ADAMTSL1: variants seen among roughly 807,000 people sequenced by gnomAD.
ADAMTSL1 encodes the protein ADAMTS-like protein 1.
ADAMTSL1 carries 126 observed loss-of-function variants against 201.8 expected under a neutral mutation model. The ratio of observed to expected loss-of-function variants is 0.62; its 90% confidence interval spans 0.54 to 0.72. The LOEUF (loss-of-function observed/expected upper bound fraction) is 0.72. Ranked by LOEUF, ADAMTSL1 falls within the 30% of genes least tolerant of loss-of-function variation. The probability of loss-of-function intolerance (pLI) is 0.00; values close to 1 mark genes in which losing one functional copy is unlikely to be tolerated. For synonymous variants in ADAMTSL1, 1,121 were observed against 903.4 expected, an observed-to-expected ratio of 1.24 and a Z score of -4.32; for missense variants, 2,679 against 2,277.8, an observed-to-expected ratio of 1.18 and a Z score of -3.59.
intron 22 of ADAMTSL1, among the ~76,000 whole-genome samples, chr9:18,827,314 T>A (rs1266966380): frequency 6.6e-6 from 1 of 152,014 alleles, no homozygotes; most frequent in Non-Finnish European, 1.5e-5. Flanking sequence ...ATGCCACACA[T>A]ACATACATAA....
In ADAMTSL1 at chr9:18,334,802, T is replaced by C. The variant is rs549129019; in HGVS notation, c.208-170027T>C. On this transcript the variant is annotated intron_variant, in intron 2 of 29. Coordinates refer to the ADAMTSL1 transcript ENST00000680146. ...TTATTTAAAGCTACCACTTCCATTA[T>C]AAGAAAAAAGGAAGGATTCTAATTC... Among the ~76,000 whole-genome samples, 582 of 152,204 alleles carry C rather than the reference T, an allele frequency of 3.8e-3. 4 individuals are homozygous for C. The highest frequency in any genetic ancestry group is 0.013 in the African/African-American group (536 of 41,544).
chr9:18,735,634 G>A (rs1163700996), intron 15 of ADAMTSL1, among the ~76,000 whole-genome samples: 2 of 152,018 alleles, frequency 1.3e-5, no homozygotes, highest in Non-Finnish European at 2.9e-5. Context: ...AACCCCACAT[G>A]TCAAACATGG....
At chr9:17,974,648 G>T (rs1395314475) in intron 1 of ADAMTSL1, among the ~76,000 whole-genome samples, 1 of 151,900 alleles carries the variant, frequency 6.6e-6, no homozygotes, top group Non-Finnish European at 1.5e-5. Flanking sequence ...ATTTCACTTA[G>T]CATAGTGTCC....
At chr9:18,224,370 CA>C (rs952629880) in intron 2 of ADAMTSL1, among the ~76,000 whole-genome samples, 3 of 152,054 alleles carry the variant, frequency 2.0e-5, no homozygotes, top group African/African-American at 7.2e-5. Flanking sequence ...AAAATGGGGA[CA>C]AAAACTCCCT....
At position 18,037,927 on chromosome 9, in the gene ADAMTSL1, C is replaced by G. The variant is rs544972010; in HGVS notation, c.88-125935C>G. On this transcript the variant is annotated intron_variant, in intron 1 of 29. Coordinates refer to the ADAMTSL1 transcript ENST00000680146. The stretch of plus-strand genomic sequence containing the variant: ...CCCAGCAGGCTTCAAAATCCTGACT[C>G]TACTTTTGGATTTGTCTGGTCTGGT... Among the ~76,000 whole-genome samples, 243 of 137,714 alleles carry G rather than the reference C, an allele frequency of 1.8e-3. 8 individuals are homozygous for G. In the South Asian group the frequency reaches 0.055, roughly 31 times the overall value. 90.3% of individuals were successfully genotyped at this position (137,714 alleles called of 152,430 possible).
At chr9:18,863,722 C>T (rs1257757492) in intron 23 of ADAMTSL1, among the ~76,000 whole-genome samples, 1 of 152,138 alleles carries the variant, frequency 6.6e-6, no homozygotes. Context: ...AAGAGAATGC[C>T]AAACCAGAAA....
intron 14 of ADAMTSL1, among the ~76,000 whole-genome samples, chr9:18,709,163 G>A (rs2891130): frequency 0.011 from 1,618 of 152,232 alleles, 17 homozygotes; most frequent in Non-Finnish European, 0.015. Context: ...AGCCTAAAAA[G>A]TTAGAGTCGA....
intron 1 of ADAMTSL1, among the ~76,000 whole-genome samples, chr9:17,963,549 A>G (rs997295156): frequency 3.3e-5 from 5 of 152,200 alleles, no homozygotes; most frequent in African/African-American, 1.2e-4. Flanking sequence ...AGAGAAATCA[A>G]TGAGTTTTTG....
intron 2 of ADAMTSL1, among the ~76,000 whole-genome samples, chr9:18,297,807 T>A (rs1049378273): frequency 6.6e-6 from 1 of 152,240 alleles, no homozygotes; most frequent in African/African-American, 2.4e-5. Context: ...TCTCTTGGGC[T>A]CTATTTGCTC....
At chr9:18,008,741 C>T (rs192632430) in intron 1 of ADAMTSL1, among the ~76,000 whole-genome samples, 15 of 152,046 alleles carry the variant, frequency 9.9e-5, no homozygotes, top group African/African-American at 3.6e-4. Flanking sequence ...GCTTAGAACT[C>T]ATGGCCATCT....
intron 2 of ADAMTSL1, among the ~76,000 whole-genome samples, chr9:18,376,928 G>A (rs904514337): frequency 7.9e-6 from 1 of 127,224 alleles, no homozygotes; most frequent in South Asian, 2.3e-4. Flanking sequence ...AATAAAATAC[G>A]TTTTTATTTA....
At chr9:18,554,155 A>G (rs771746971) in intron 3 of ADAMTSL1, among the ~76,000 whole-genome samples, 1 of 151,156 alleles carries the variant, frequency 6.6e-6, no homozygotes, top group African/African-American at 2.4e-5. Flanking sequence ...CTGCATGTAT[A>G]TGAGTTCTGT....
chr9:18,242,044 C>A (rs1032532069), intron 2 of ADAMTSL1, among the ~76,000 whole-genome samples: 4 of 152,032 alleles, frequency 2.6e-5, no homozygotes, highest in African/African-American at 9.7e-5. Context: ...CTAAGCCAGA[C>A]AAAGACATCA....
chr9:18,838,137 T>C (rs1405762133), intron 23 of ADAMTSL1, among the ~76,000 whole-genome samples: 1 of 152,054 alleles, frequency 6.6e-6, no homozygotes. Context: ...GCAAGTCACG[T>C]CTTACATGGA....
At chr9:18,129,170 C>T (rs1825852192) in intron 1 of ADAMTSL1, among the ~76,000 whole-genome samples, 2 of 152,178 alleles carry the variant, frequency 1.3e-5, no homozygotes, top group Admixed American at 1.3e-4. Context: ...AAAAGGCCTA[C>T]CTGCTAAATA....
At chr9:18,166,614 T>G (rs1391636122) in intron 2 of ADAMTSL1, among the ~76,000 whole-genome samples, 1 of 152,032 alleles carries the variant, frequency 6.6e-6, no homozygotes, top group Non-Finnish European at 1.5e-5. Context: ...AAGTAACAAA[T>G]GTATCCCCAG....
rs1438562659 is a variant in ADAMTSL1, at chr9:18,673,675, C to G, written c.1086-2182C>G. On this transcript the variant is annotated intron_variant, in intron 9 of 28. Coordinates refer to ENST00000380548, the MANE Select transcript of ADAMTSL1 (RefSeq NM_001040272.6). ...AGCTGATAAATCAATTGACAGAGAT[C>G]TGCAACAGTTTATTCTAATATTGAA... 2.0e-5 allele frequency among the ~76,000 whole-genome samples: 3 copies of G among 152,154 alleles called. No homozygotes were observed. In the East Asian group the frequency reaches 5.8e-4, roughly 29 times the overall value.
chr9:18,469,480 G>C (rs1304269522), upstream of ADAMTSL1, among the ~76,000 whole-genome samples: 2 of 152,226 alleles, frequency 1.3e-5, no homozygotes, highest in African/African-American at 2.4e-5. Context: ...TAACATTTGA[G>C]TTACCAAAGA....
intron 1 of ADAMTSL1, among the ~76,000 whole-genome samples, chr9:17,909,082 C>A (rs1328299639): frequency 1.3e-5 from 2 of 148,860 alleles, no homozygotes; most frequent in Non-Finnish European, 3.0e-5. Context: ...TGATGGTGAG[C>A]ATTTTTTCAT....
Sources: gnomAD v4.1 joint callset for allele counts (sites outside exome capture counted in the v4.1 genomes callset) on GRCh38, gnomAD v4.1.1 for gene constraint, MANE v1.5 for transcripts, NCBI Gene and HGNC (gene_info 2026-07-23, HGNC 2026-07-21) for gene names.